Variants in SH3KBP1 observed in about 807,000 individuals in gnomAD.
The protein encoded by SH3KBP1 is SH3 domain-containing kinase-binding protein 1.
SH3KBP1 carries 8 observed loss-of-function variants against 50.1 expected under a neutral mutation model. That is an observed-to-expected ratio of 0.16 (90% CI 0.09 to 0.29). The LOEUF (loss-of-function observed/expected upper bound fraction) is 0.29. SH3KBP1 is among the 10% of genes least tolerant of loss of function. SH3KBP1 has a pLI of 1.00. For synonymous variants in SH3KBP1, 227 were observed against 218.6 expected (o/e 1.04, Z -0.34); for missense variants, 377 against 535.2 (o/e 0.70, Z 2.92).
intron 1 of SH3KBP1, among the ~76,000 whole-genome samples, chrX:19,882,281 A>G (rs2069455796): frequency 9.0e-6 from 1 of 110,734 alleles, no homozygotes; most frequent in African/African-American, 3.3e-5. Flanking sequence ...CCACATCCTA[A>G]AGCCCAGGAT....
intron 11 of SH3KBP1, among the ~76,000 whole-genome samples, chrX:19,591,407 G>C (rs1213407562): frequency 9.0e-6 from 1 of 111,223 alleles, no homozygotes; most frequent in Admixed American, 9.5e-5. Context: ...TCTCAAAATG[G>C]TAGGAGTCAA....
chrX:19,822,696 T>C (rs1403583671), intron 2 of SH3KBP1, among the ~76,000 whole-genome samples: 2 of 112,279 alleles, frequency 1.8e-5, no homozygotes, highest in East Asian at 5.5e-4. Flanking sequence ...TCCTGGTTCT[T>C]GGTATGACAA....
At chrX:19,647,276 G>GA (rs56336116) in intron 6 of SH3KBP1, among the ~76,000 whole-genome samples, 183 of 87,794 alleles carry the variant, frequency 2.1e-3, no homozygotes, top group Middle Eastern at 6.2e-3. Flanking sequence ...TTGCTTCCCT[G>GA]AAAAAAAAAA....
chrX:19,802,026 C>T (rs1334537829), intron 2 of SH3KBP1, among the ~76,000 whole-genome samples: 1 of 111,272 alleles, frequency 9.0e-6, no homozygotes, highest in African/African-American at 3.3e-5. Flanking sequence ...TGCAGTGATC[C>T]AAGATCACAC....
chrX:19,780,102 T>C (rs1171612834), intron 2 of SH3KBP1, among the ~76,000 whole-genome samples: 2 of 108,801 alleles, frequency 1.8e-5, no homozygotes, highest in African/African-American at 6.7e-5. Flanking sequence ...CTCCAGCACC[T>C]GTTGTTTCCT....
At position 19,767,399 on chromosome X, in the gene SH3KBP1, A is replaced by G. The variant is rs941504836; in HGVS notation, c.163-20958T>C. Among the ~76,000 whole-genome samples, 11 of 112,664 alleles carry G rather than the reference A, an allele frequency of 9.8e-5. No individual in the cohort carries two copies. The Admixed American group carries it at 1.0e-3, about 11-fold the overall frequency. On this transcript the variant is annotated intron_variant, in intron 2 of 17. Transcript: ENST00000397821. The stretch of plus-strand genomic sequence containing the variant: ...GAAGCCACATCTGCTTTTTGACAGT[A>G]GCTGTGAGGTGATTTTCTTTATTTA...
intron 15 of SH3KBP1, among the ~76,000 whole-genome samples, chrX:19,543,820 A>G (rs952408872): frequency 1.3e-4 from 14 of 111,267 alleles, no homozygotes; most frequent in African/African-American, 4.6e-4. Flanking sequence ...GCCGAGGAAG[A>G]AGGACAGTCA....
intron 6 of SH3KBP1, among the ~76,000 whole-genome samples, chrX:19,682,333 T>TACACACACACAC (rs59044973): frequency 2.4e-3 from 184 of 75,904 alleles, no homozygotes; most frequent in African/African-American, 8.1e-3. Flanking sequence ...ATAAGAGTCA[T>TACACACACACAC]ACACACACAC....
At chrX:19,628,226 T>C (rs905345221) in intron 8 of SH3KBP1, among the ~76,000 whole-genome samples, 5 of 112,222 alleles carry the variant, frequency 4.5e-5, no homozygotes, top group Non-Finnish European at 9.4e-5. Context: ...CTTAACGTCA[T>C]GGCATTCCAG....
chrX:19,592,689 C>T (rs914625496), intron 10 of SH3KBP1, among the ~76,000 whole-genome samples: 7 of 111,981 alleles, frequency 6.3e-5, no homozygotes, highest in African/African-American at 2.3e-4. Context: ...AGGAATGATA[C>T]CACATAACTT....
chrX:19,764,308 C>T (rs1335085216), intron 2 of SH3KBP1, among the ~76,000 whole-genome samples: 2 of 111,300 alleles, frequency 1.8e-5, no homozygotes, highest in Non-Finnish European at 1.9e-5. Context: ...GAAATATCTG[C>T]GTTTATTTAG....
intron 3 of SH3KBP1, among the ~76,000 whole-genome samples, chrX:19,739,501 G>A (rs2064705624): frequency 9.0e-6 from 1 of 110,646 alleles, no homozygotes; most frequent in South Asian, 3.8e-4. Flanking sequence ...ATACCTACAG[G>A]GATTTCAGTG....
chrX:19,648,672 G>A (rs899739678), intron 6 of SH3KBP1, among the ~76,000 whole-genome samples: 11 of 110,632 alleles, frequency 9.9e-5, no homozygotes, highest in Admixed American at 4.8e-4. Context: ...TGTTTCTTCA[G>A]GTAGAAGACT....
intron 1 of SH3KBP1, among the ~76,000 whole-genome samples, chrX:19,849,805 T>C (rs1169136125): frequency 9.0e-6 from 1 of 111,593 alleles, no homozygotes; most frequent in East Asian, 2.8e-4. Context: ...AAATTGGATA[T>C]TTGAACTTAA....
At chrX:19,624,494 A>G (rs1433442937) in intron 8 of SH3KBP1, among the ~76,000 whole-genome samples, 1 of 111,877 alleles carries the variant, frequency 8.9e-6, no homozygotes, top group African/African-American at 3.3e-5. Context: ...CATGATACAA[A>G]GGAAAAATCT....
intron 2 of SH3KBP1, among the ~76,000 whole-genome samples, chrX:19,781,220 T>C (rs12690331): frequency 0.16 from 17,489 of 110,842 alleles, 1,099 homozygotes; most frequent in African/African-American, 0.21. Context: ...AGAGAATGCC[T>C]TGGGGATCTT....
At chrX:19,771,626 G>T (rs1330603654) in intron 2 of SH3KBP1, among the ~76,000 whole-genome samples, 1 of 111,427 alleles carries the variant, frequency 9.0e-6, no homozygotes, top group Non-Finnish European at 1.9e-5. Context: ...CACTTTGGGG[G>T]GCCAAAGCGG....
At chrX:19,697,392 C>T (rs748167482) in intron 4 of SH3KBP1, among the ~76,000 whole-genome samples, 3 of 111,990 alleles carry the variant, frequency 2.7e-5, no homozygotes, top group Non-Finnish European at 5.6e-5. Context: ...TTTGTCCTAC[C>T]AAAATGAACC....
intron 4 of SH3KBP1, among the ~76,000 whole-genome samples, chrX:19,702,593 G>A (rs1218687934): frequency 1.8e-5 from 2 of 109,704 alleles, no homozygotes; most frequent in South Asian, 4.0e-4. Flanking sequence ...AACACAAGAG[G>A]AAAAGTGGCT....
Sources: allele counts gnomAD v4.1 joint callset (sites outside exome capture counted in the v4.1 genomes callset), GRCh38; gene constraint gnomAD v4.1.1; transcripts MANE v1.5; gene names NCBI Gene and HGNC (gene_info 2026-07-23, HGNC 2026-07-21).